The following ADGRV1 variants were observed in gnomAD, a reference collection of about 807,000 sequenced individuals.
ADGRV1 encodes the protein adhesion G protein-coupled receptor V1.
ADGRV1 carries 359 observed loss-of-function variants against 596.2 expected under a neutral mutation model. That is an observed-to-expected ratio of 0.60 (90% confidence interval 0.55 to 0.66). The LOEUF (loss-of-function observed/expected upper bound fraction) is 0.66, where lower values mean the gene tolerates loss of function less well. Among genes scored for constraint, ADGRV1 ranks in the 30% least tolerant of loss-of-function variants. The probability of loss-of-function intolerance (pLI) is 0.00; values close to 1 mark genes in which losing one functional copy is unlikely to be tolerated. For synonymous variants in ADGRV1, 2,681 were observed against 2,679.2 expected, an observed-to-expected ratio of 1.00 and a Z score of -0.02; for missense variants, 7,274 against 7,575.6, an observed-to-expected ratio of 0.96 and a Z score of 1.48.
chr5:90,814,238 G>A (rs1424353777), intron 74 of ADGRV1, among the ~76,000 whole-genome samples: 1 of 152,194 alleles, frequency 6.6e-6, no homozygotes, highest in East Asian at 1.9e-4. Context: ...CCCATCACTT[G>A]CATGTCCCTA....
Position 90,637,933 on chromosome 5 carries a change from C to T in ADGRV1, c.2225C>T (p.Thr742Ile). Residue 742 changes from threonine (T) to isoleucine (I), a missense_variant, in exon 11 of 90, where the codon ACA (threonine) becomes ATA (isoleucine). Around this residue, in one of 5 missense-constraint regions of ADGRV1, gnomAD observed 1,715 missense variants for 1,708.8 expected, o/e 1.00. Coordinates refer to ENST00000405460, the MANE Select transcript of ADGRV1 (RefSeq NM_032119.4). ...DDIPEMNETV[T>I]LSLDRVNVEN... ...ATACCGGAAATGAATGAAACTGTAACACTTTCTCTAGACAGGTAATAACCC... is the reference window on the plus strand; with the variant it reads ...ATACCGGAAATGAATGAAACTGTAATACTTTCTCTAGACAGGTAATAACCC... The T allele has an allele frequency of 6.2e-7, 1 of 1,611,264 alleles. No individual in the cohort carries two copies. The highest frequency in any genetic ancestry group is 8.5e-7 in the Non-Finnish European group (1 of 1,177,870).
In ADGRV1 at chr5:90,710,971, G is replaced by T; in HGVS notation, c.8825-10G>T. On this transcript the variant is annotated splice_polypyrimidine_tract_variant and intron_variant, in intron 39 of 89. Transcript: ENST00000405460. Reference sequence around the variant, plus strand: ...TATGTATTTTAAGATATGCTTCTATGTTTTTTAAGATTCAGAAGGTTTGAC... The same window carrying T: ...TATGTATTTTAAGATATGCTTCTATTTTTTTTAAGATTCAGAAGGTTTGAC... 6.4e-7 allele frequency: 1 copy of T among 1,558,548 alleles called. No homozygotes were observed. The highest frequency in any genetic ancestry group is 2.3e-5 in the East Asian group (1 of 44,276).
intron 11 of ADGRV1, among the ~76,000 whole-genome samples, chr5:90,638,183 A>G (rs1766485312): frequency 6.6e-6 from 1 of 152,062 alleles, no homozygotes; most frequent in Non-Finnish European, 1.5e-5. Flanking sequence ...AAGAAGCACT[A>G]CAGAGAGAAT....
chr5:91,158,165 T>C (rs1358572033), intron 89 of ADGRV1, among the ~76,000 whole-genome samples: 1 of 152,226 alleles, frequency 6.6e-6, no homozygotes, highest in Non-Finnish European at 1.5e-5. Flanking sequence ...TATGTGACAA[T>C]GAGCCACCAA....
intron 85 of ADGRV1, among the ~76,000 whole-genome samples, chr5:90,996,755 C>A (rs1781452807): frequency 1.3e-5 from 2 of 152,216 alleles, no homozygotes; most frequent in Admixed American, 1.3e-4. Context: ...AGGCTGTACC[C>A]TGCAGAGCAC....
intron 59 of ADGRV1, among the ~76,000 whole-genome samples, chr5:90,773,062 G>A (rs1303263005): frequency 6.6e-6 from 1 of 151,884 alleles, no homozygotes; most frequent in African/African-American, 2.4e-5. Context: ...CTAGCTATTC[G>A]GGAGACTGAG....
rs1184010778 is a variant in ADGRV1, at chr5:91,027,144, AACACAC to A, written c.18152+41663_18152+41668del. ...GCAACAGAGCAAAACACAGTCTCAAAACACACACACACACACACACACACACACACA... is the reference window on the plus strand; with the variant it reads ...GCAACAGAGCAAAACACAGTCTCAAAACACACACACACACACACACACACA... On this transcript the variant is annotated intron_variant, in intron 85 of 89. Coordinates refer to ENST00000405460, the MANE Select transcript of ADGRV1 (RefSeq NM_032119.4). 3.6e-3 allele frequency among the ~76,000 whole-genome samples: 470 copies of A among 129,212 alleles called. 4 individuals carry two copies. Among genetic ancestry groups the A allele is most frequent in the East Asian group, 0.018 (76 of 4,312 alleles). The allele number at this position is 129,212 out of a possible 152,430, so 84.8% of individuals were successfully genotyped here.
At position 91,072,561 on chromosome 5, in the gene ADGRV1, GA is replaced by G. The variant is rs1402596920; in HGVS notation, c.18270del (p.Ala6091HisfsTer17). 2.5e-6 allele frequency: 4 copies of G among 1,613,884 alleles called. No individual in the cohort carries two copies. The highest frequency in any genetic ancestry group is 3.4e-6 in the Non-Finnish European group (4 of 1,179,784). On this transcript the variant is annotated frameshift_variant, in exon 86 of 90. Transcript: ENST00000405460. LOFTEE classifies it high-confidence loss of function. ...IHAYQVKPQW[K>X]AYDDVFRGRT... is the part of the protein sequence containing the mutation. Reference sequence around the variant, plus strand: ...ATGCCTACCAGGTGAAGCCACAGTGGAAAGCATATGATGATGTCTTCAGAGG... The same window carrying G: ...ATGCCTACCAGGTGAAGCCACAGTGGAAGCATATGATGATGTCTTCAGAGG...
chr5:91,066,451 AT>A (rs1787889306), intron 85 of ADGRV1, among the ~76,000 whole-genome samples: 1 of 152,156 alleles, frequency 6.6e-6, no homozygotes, highest in Non-Finnish European at 1.5e-5. Context: ...TATCTTGAAC[AT>A]TTTTAAGTAT....
Position 90,681,395 on chromosome 5 carries a change from G to A in ADGRV1, c.5605G>A (p.Glu1869Lys). ...HAHGVFEFSPESLFVSGTEPE... is the reference protein window; with the variant it reads ...HAHGVFEFSPKSLFVSGTEPE... The stretch of plus-strand genomic sequence containing the variant: ...TCATGGCGTATTTGAATTTAGCCCT[G>A]AGTCACTCTTTGTCAGTGGAACTGA... The change falls in exon 27 of 90, where the codon GAG (glutamate) becomes AAG (lysine). Residue 1869 changes from glutamate to lysine, a missense_variant. This residue lies in a region of ADGRV1 where 3,643 missense variants were observed against 3,809.2 expected (regional missense o/e 0.96). Transcript: ENST00000405460. 1 of 1,613,862 alleles carries A rather than the reference G, an allele frequency of 6.2e-7. No individual in the cohort carries two copies. The highest frequency in any genetic ancestry group is 8.5e-7 in the Non-Finnish European group (1 of 1,179,832).
In ADGRV1 at chr5:90,644,849, A is replaced by G; in HGVS notation, c.2878A>G (p.Ile960Val). The change falls in exon 15 of 90, where the codon ATT (isoleucine) becomes GTT (valine). Residue 960 changes from isoleucine (I) to valine (V), a missense_variant. By Grantham distance (29) the Ile-to-Val change is conservative (BLOSUM62 3). This residue lies in a region of ADGRV1 where 1,715 missense variants were observed against 1,708.8 expected (regional missense o/e 1.00). Coordinates refer to ENST00000405460, the MANE Select transcript of ADGRV1 (RefSeq NM_032119.4). ...TCAGGAATTTTCAAAAAATATCACC[A>G]TTTACTCCCTTCCAGATGAGGTAAA... ...GDQEFSKNIT[I>V]YSLPDEIPEE... 6.2e-7 allele frequency: 1 copy of G among 1,603,816 alleles called. No individual in the cohort carries two copies. The highest frequency in any genetic ancestry group is 8.5e-7 in the Non-Finnish European group (1 of 1,176,186).
chr5:90,733,914 C>T (rs1486541504), intron 50 of ADGRV1, among the ~76,000 whole-genome samples: 1 of 152,072 alleles, frequency 6.6e-6, no homozygotes, highest in Non-Finnish European at 1.5e-5. Flanking sequence ...TTTTGACCAC[C>T]AACTTCCCAT....
At chr5:91,083,870 C>A (rs1209029041) in intron 86 of ADGRV1, among the ~76,000 whole-genome samples, 3 of 152,188 alleles carry the variant, frequency 2.0e-5, no homozygotes, top group Admixed American at 6.5e-5. Context: ...GAGTTCAAGA[C>A]TGTAGTGCAC....
chr5:90,750,620 A>G lies in ADGRV1; in HGVS notation c.11044A>G (p.Lys3682Glu), dbSNP rs1390428914. 2 of 1,612,766 alleles carry G rather than the reference A, an allele frequency of 1.2e-6. No homozygotes were observed. ...AGTAACCTTGAACGTTGAACGCTTA[A>G]AAGGAACATATGGCCGTATAACCAT... is the stretch of plus-strand genomic sequence containing the variant. ...SLVTLNVERLKGTYGRITIAW... is the reference protein window; with the variant it reads ...SLVTLNVERLEGTYGRITIAW... The change falls in exon 53 of 90, where the codon AAA (lysine) becomes GAA (glutamate). Residue 3682 changes from lysine (K) to glutamate (E), a missense_variant. Lys to Glu is a moderately conservative substitution (Grantham distance 56). This residue lies in a region of ADGRV1 where 3,643 missense variants were observed against 3,809.2 expected (regional missense o/e 0.96). Coordinates refer to ENST00000405460, the MANE Select transcript of ADGRV1 (RefSeq NM_032119.4).
At chr5:90,593,174 C>A (rs1759750287) in intron 1 of ADGRV1, among the ~76,000 whole-genome samples, 1 of 152,172 alleles carries the variant, frequency 6.6e-6, no homozygotes, top group South Asian at 2.1e-4. Context: ...CGGCACTGTT[C>A]ACAATAGCAA....
Position 90,829,078 on chromosome 5 carries a change from T to C in ADGRV1, c.16503T>C (p.Ser5501=). 6.2e-7 allele frequency: 1 copy of C among 1,613,058 alleles called. No individual in the cohort carries two copies. The change falls in exon 77 of 90, where the codon TCT becomes TCC. Residue 5501 remains serine (S), a synonymous_variant. Coordinates refer to ENST00000405460, the MANE Select transcript of ADGRV1 (RefSeq NM_032119.4). ...SDESQSLVYF[S]VGSRLAVAHK... ...AATCTCAAAGCCTTGTGTATTTTTC[T>C]GTGGGTTCTCGGCTGGCAGTGGCTC...
chr5:90,946,719 G>A (rs1161059946), intron 83 of ADGRV1, among the ~76,000 whole-genome samples: 1 of 152,012 alleles, frequency 6.6e-6, no homozygotes, highest in African/African-American at 2.4e-5. Flanking sequence ...GCGGTGTTTG[G>A]TTTTCTGTCC....
At chr5:90,937,138 C>T (rs1396447741) in intron 83 of ADGRV1, among the ~76,000 whole-genome samples, 2 of 152,036 alleles carry the variant, frequency 1.3e-5, no homozygotes, top group African/African-American at 4.8e-5. Context: ...CTAGGTTTAA[C>T]CTTATATATT....
intron 10 of ADGRV1, 106 bp downstream of exon 10, chr5:90,635,396 T>C: frequency 1.0e-6 from 1 of 1,004,046 alleles, no homozygotes; most frequent in Non-Finnish European, 1.4e-6. Context: ...TTAAAAAGCT[T>C]CAGCATGTAC....
Sources: gnomAD v4.1 joint callset for allele counts (sites outside exome capture counted in the v4.1 genomes callset) on GRCh38, gnomAD v4.1.1 for gene constraint, gnomAD v4.1.1 regional missense constraint, MANE v1.5 for transcripts, NCBI Gene and HGNC (gene_info 2026-07-23, HGNC 2026-07-21) for gene names.